Variants in PLEKHA8 observed in about 807,000 individuals in gnomAD.
PLEKHA8 encodes the protein pleckstrin homology domain containing A8.
In PLEKHA8, 36 loss-of-function variants were observed where a neutral mutation model predicts 68.2. The ratio of observed to expected loss-of-function variants is 0.53; its 90% CI spans 0.40 to 0.70. The LOEUF is 0.70. Ranked by LOEUF, PLEKHA8 falls within the 30% of genes least tolerant of loss-of-function variation. The pLI, the probability that PLEKHA8 is intolerant of heterozygous loss-of-function variation, is 0.00. For missense variants in PLEKHA8, 505 were observed against 615.4 expected (o/e 0.82, Z 1.90); for synonymous variants, 211 against 216.1 (o/e 0.98, Z 0.20).
At chr7:30,099,666 A>G (rs1795777033) in intron 13 of PLEKHA8, among the ~76,000 whole-genome samples, 1 of 152,226 alleles carries the variant, frequency 6.6e-6, no homozygotes, top group African/African-American at 2.4e-5. Flanking sequence ...TGTGGAATAT[A>G]CACCAAGTTA....
At chr7:30,065,489 A>G (rs927039775) in intron 12 of PLEKHA8, among the ~76,000 whole-genome samples, 13 of 152,090 alleles carry the variant, frequency 8.5e-5, no homozygotes, top group Middle Eastern at 6.8e-3. Context: ...TGTTTACACA[A>G]TAGTTACTCA....
Position 30,074,145 on chromosome 7 carries a change from T to C in PLEKHA8, c.1362+13T>C. The C allele has an allele frequency of 6.2e-7, 1 of 1,609,096 alleles. No individual in the cohort carries two copies. Among genetic ancestry groups the C allele is most frequent in the Non-Finnish European group, 8.5e-7 (1 of 1,175,718 alleles). ...AGGGGTTTTTGCGGTAAGTGATCCT[T>C]CTTGTCTCCTATTATTAACTGTATT... is the stretch of plus-strand genomic sequence containing the variant. On this transcript the variant is annotated intron_variant, in intron 13 of 13. Transcript: ENST00000449726.
intron 13 of PLEKHA8, among the ~76,000 whole-genome samples, chr7:30,101,245 A>G (rs1795842292): frequency 6.6e-6 from 1 of 152,164 alleles, no homozygotes; most frequent in South Asian, 2.1e-4. Context: ...AACAAAAACA[A>G]TTAGAAAATG....
rs1248808496 is a variant in PLEKHA8, at chr7:30,046,571, A to T, written c.313+206A>T. On this transcript the variant is annotated intron_variant, in intron 3 of 13. Transcript: ENST00000449726. ...ATAGTGCAAAGAATGCAGGCTTTGG[A>T]GCCAAACACAGCTGGGTACACATGA... is the stretch of plus-strand genomic sequence containing the variant. 2.6e-5 allele frequency among the ~76,000 whole-genome samples: 4 copies of T among 152,316 alleles called. No individual in the cohort carries two copies. The East Asian group carries it at 7.7e-4, about 29-fold the overall frequency.
chr7:30,069,990 G>A (rs1794126394), intron 12 of PLEKHA8, among the ~76,000 whole-genome samples: 1 of 152,162 alleles, frequency 6.6e-6, no homozygotes, highest in Admixed American at 6.6e-5. Flanking sequence ...GTATTACAGT[G>A]AAGATTAATG....
chr7:30,117,190 T>C (rs1304452550), intron 13 of PLEKHA8, among the ~76,000 whole-genome samples: 3 of 152,114 alleles, frequency 2.0e-5, no homozygotes, highest in African/African-American at 7.2e-5. Context: ...CTCACAGTAA[T>C]TGAGAAATCG....
At chr7:30,099,919 CAT>C (rs1451049449) in intron 13 of PLEKHA8, among the ~76,000 whole-genome samples, 1 of 152,224 alleles carries the variant, frequency 6.6e-6, no homozygotes, top group Non-Finnish European at 1.5e-5. Context: ...TGTATCCTCT[CAT>C]AGTTCTGGAG....
At chr7:30,040,745 C>CT (rs200724595) in intron 1 of PLEKHA8, among the ~76,000 whole-genome samples, 533 of 149,516 alleles carry the variant, frequency 3.6e-3, no homozygotes, top group East Asian at 0.014. Flanking sequence ...TTTAAATACT[C>CT]TTTTTTTTTT....
At position 30,082,781 on chromosome 7, in the gene PLEKHA8, A is replaced by C. The variant is rs1383341874; in HGVS notation, c.*3994A>C. Reference sequence around the variant, plus strand: ...TTAAGGAAACTTAATCTGATTGTGAAAATCATACATATGGAGAAACATCAG... The same window carrying C: ...TTAAGGAAACTTAATCTGATTGTGACAATCATACATATGGAGAAACATCAG... On this transcript the variant is annotated 3_prime_UTR_variant, in exon 14 of 14. Coordinates refer to ENST00000449726, the MANE Select transcript of PLEKHA8 (RefSeq NM_001197026.2). The C allele has an allele frequency of 1.0e-6, 1 of 985,264 alleles. No individual in the cohort carries two copies. Among genetic ancestry groups the C allele is most frequent in the Non-Finnish European group, 1.2e-6 (1 of 829,892 alleles). 61.0% of individuals were successfully genotyped at this position (985,264 alleles called of 1,614,324 possible).
At chr7:30,124,985 A>G (rs1391885399) in intron 13 of PLEKHA8, among the ~76,000 whole-genome samples, 1 of 152,030 alleles carries the variant, frequency 6.6e-6, no homozygotes, top group African/African-American at 2.4e-5. Flanking sequence ...TTTCGTCATA[A>G]TTTTTTAACC....
chr7:30,103,472 T>C (rs1194509350), intron 13 of PLEKHA8, among the ~76,000 whole-genome samples: 1 of 152,244 alleles, frequency 6.6e-6, no homozygotes, highest in Non-Finnish European at 1.5e-5. Flanking sequence ...GGACCTAGAA[T>C]AACCAGAATA....
At chr7:30,035,584 G>C (rs1791002006) in intron 1 of PLEKHA8, among the ~76,000 whole-genome samples, 1 of 151,998 alleles carries the variant, frequency 6.6e-6, no homozygotes, top group Non-Finnish European at 1.5e-5. Context: ...ATTTTTAAAA[G>C]TTAATTGTTC....
At chr7:30,123,920 T>C (rs1335886860) in intron 13 of PLEKHA8, among the ~76,000 whole-genome samples, 2 of 152,370 alleles carry the variant, frequency 1.3e-5, no homozygotes, top group African/African-American at 4.8e-5. Flanking sequence ...AAGTGAGGTA[T>C]AATACCAAAA....
At chr7:30,074,246 T>TTGTGTGTGTGTGTGTGTGTG (rs149548208) in intron 13 of PLEKHA8, 114 bp downstream of exon 13, 202 of 488,498 alleles carry the variant, frequency 4.1e-4, no homozygotes, top group Middle Eastern at 6.4e-4. Flanking sequence ...AGAAACAAAG[T>TTGTGTGTGTGTGTGTGTGTG]TGTGTGTGTG....
chr7:30,108,748 A>AG (rs367895416), intron 13 of PLEKHA8, among the ~76,000 whole-genome samples: 256 of 152,234 alleles, frequency 1.7e-3, no homozygotes, highest in African/African-American at 5.9e-3. Context: ...GCCTTCTCCT[A>AG]GAGAGAGAGA....
downstream of PLEKHA8, among the ~76,000 whole-genome samples, chr7:30,088,408 T>C (rs144371232): frequency 4.4e-3 from 672 of 152,298 alleles, 1 homozygote; most frequent in Non-Finnish European, 7.1e-3. Flanking sequence ...GTATCACTTA[T>C]ATCTGGGCAT....
Position 30,044,388 on chromosome 7 carries a change from AG to A in PLEKHA8, c.41-694del, listed in dbSNP as rs377353097. On this transcript the variant is annotated intron_variant, in intron 1 of 13. Coordinates refer to ENST00000449726, the MANE Select transcript of PLEKHA8 (RefSeq NM_001197026.2). ...CAAATGAGTGGTTTGACTAGAACATAGGGTGTGTGAGAGGACTAGATAAGAT... is the reference window on the plus strand; with the variant it reads ...CAAATGAGTGGTTTGACTAGAACATAGGTGTGTGAGAGGACTAGATAAGAT... Among the ~76,000 whole-genome samples, 55 of 152,318 alleles carry A rather than the reference AG, an allele frequency of 3.6e-4. No homozygotes were observed. The East Asian group carries it at 0.01, about 29-fold the overall frequency.
At chr7:30,098,470 C>T (rs1348513198) in intron 13 of PLEKHA8, among the ~76,000 whole-genome samples, 1 of 152,256 alleles carries the variant, frequency 6.6e-6, no homozygotes, top group African/African-American at 2.4e-5. Flanking sequence ...GTGGTGGGCT[C>T]CACCCAGTTC....
chr7:30,085,272 C>T (rs577414262), downstream of PLEKHA8, among the ~76,000 whole-genome samples: 9 of 152,238 alleles, frequency 5.9e-5, no homozygotes, highest in Admixed American at 3.3e-4. Flanking sequence ...CTGTTTAAAA[C>T]CTAAACAGAA....
Sources: gnomAD v4.1 joint callset for allele counts (sites outside exome capture counted in the v4.1 genomes callset) on GRCh38, gnomAD v4.1.1 for gene constraint, MANE v1.5 for transcripts, NCBI Gene and HGNC (gene_info 2026-07-23, HGNC 2026-07-21) for gene names.